Variants in KIAA0825 observed in about 807,000 individuals in gnomAD.
KIAA0825 encodes KIAA0825.
Under a neutral mutation model 147.6 loss-of-function variants are expected in KIAA0825, and 119 were observed. The ratio of observed to expected loss-of-function variants is 0.81; its 90% confidence interval spans 0.69 to 0.94. The LOEUF is 0.94. Among genes scored for constraint, KIAA0825 ranks in the 40% least tolerant of loss-of-function variants. The probability of loss-of-function intolerance (pLI) is 0.00; values close to 1 mark genes in which losing one functional copy is unlikely to be tolerated. For synonymous variants in KIAA0825, 470 were observed against 518.1 expected, an observed-to-expected ratio of 0.91 and a Z score of 1.26; for missense variants, 1,381 against 1,472.7, an observed-to-expected ratio of 0.94 and a Z score of 1.02.
In KIAA0825 at chr5:94,553,536, G is replaced by A. The variant is rs76726998; in HGVS notation, c.-1-16409C>T. Among the ~76,000 whole-genome samples, 1,045 of 151,730 alleles carry A rather than the reference G, an allele frequency of 6.9e-3. 7 individuals carry two copies. Among genetic ancestry groups the A allele is most frequent in the Non-Finnish European group, 0.011 (737 of 67,920 alleles). ...CCCCAGCAATTTGGGAGGCCAAGGCGGGTCGATCACCTGAGGCCAGGAGTT... is the reference window on the plus strand; with the variant it reads ...CCCCAGCAATTTGGGAGGCCAAGGCAGGTCGATCACCTGAGGCCAGGAGTT... On this transcript the variant is annotated intron_variant, in intron 2 of 20. Coordinates refer to ENST00000682413, the MANE Select transcript of KIAA0825 (RefSeq NM_001145678.3).
At chr5:94,462,299 T>C (rs184010042) in intron 12 of KIAA0825, 88 bp downstream of exon 12, 2 of 734,204 alleles carry the variant, frequency 2.7e-6, no homozygotes, top group Admixed American at 7.6e-5. Flanking sequence ...TACTTGTAAC[T>C]TCACATAATT....
At chr5:94,536,835 T>C (rs6881189) in intron 3 of KIAA0825, among the ~76,000 whole-genome samples, 161 bp downstream of exon 3, 1,600 of 152,210 alleles carry the variant, frequency 0.011, 29 homozygotes, top group African/African-American at 0.035. Context: ...AAGACAATCA[T>C]GTAAACTTTA....
intron 15 of KIAA0825, among the ~76,000 whole-genome samples, chr5:94,411,578 G>T (rs990640196): frequency 3.3e-5 from 5 of 152,124 alleles, no homozygotes; most frequent in African/African-American, 1.2e-4. Context: ...ATTGCCAAAA[G>T]AAATAATGGG....
Position 94,153,627 on chromosome 5 carries a change from T to C in KIAA0825, c.*380A>G, listed in dbSNP as rs903863896. Reference sequence around the variant, plus strand: ...AATTTCAGATGACCTCCTGGGGCTATGTGACTCCACTCAACTTAACATCCA... The same window carrying C: ...AATTTCAGATGACCTCCTGGGGCTACGTGACTCCACTCAACTTAACATCCA... On this transcript the variant is annotated 3_prime_UTR_variant, in exon 21 of 21. Coordinates refer to ENST00000682413, the MANE Select transcript of KIAA0825 (RefSeq NM_001145678.3). The C allele has an allele frequency of 2.6e-5, 4 of 156,512 alleles. No individual in the cohort carries two copies. Among genetic ancestry groups the C allele is most frequent in the Non-Finnish European group, 4.2e-5 (3 of 71,100 alleles). The allele number at this position is 156,512 out of a possible 1,614,324, so 9.7% of individuals were successfully genotyped here.
At chr5:94,614,831 T>G (rs1401338214) in intron 1 of KIAA0825, among the ~76,000 whole-genome samples, 2 of 152,216 alleles carry the variant, frequency 1.3e-5, no homozygotes, top group Non-Finnish European at 2.9e-5. Flanking sequence ...GTGAAAATAT[T>G]CTTCACCTTT....
chr5:94,345,734 T>C (rs376009), intron 20 of KIAA0825, among the ~76,000 whole-genome samples: 53,432 of 151,836 alleles, frequency 0.35, 9,637 homozygotes, highest in Middle Eastern at 0.38. Flanking sequence ...CAGGACAAGC[T>C]GCAGACAAAA....
At chr5:94,232,087 A>G (rs962866640) in intron 20 of KIAA0825, among the ~76,000 whole-genome samples, 3 of 152,264 alleles carry the variant, frequency 2.0e-5, no homozygotes, top group African/African-American at 7.2e-5. Context: ...AACTAAAGAC[A>G]GAAGAAAATG....
At chr5:94,275,907 G>A (rs72771640) in intron 20 of KIAA0825, among the ~76,000 whole-genome samples, 120 of 152,178 alleles carry the variant, frequency 7.9e-4, no homozygotes, top group Non-Finnish European at 1.6e-3. Flanking sequence ...TAACTATGGC[G>A]CTGCCTGCAA....
chr5:94,569,988 T>C (rs1275669248), intron 2 of KIAA0825: 1 of 153,208 alleles, frequency 6.5e-6, no homozygotes, highest in East Asian at 1.9e-4. Context: ...ACGAATCTAT[T>C]GTCCGCCATT....
At chr5:94,169,565 GAAAAAAA>G (rs57781961) in intron 20 of KIAA0825, among the ~76,000 whole-genome samples, 3 of 86,660 alleles carry the variant, frequency 3.5e-5, no homozygotes, top group Admixed American at 1.4e-4. Flanking sequence ...CTGGGTGACA[GAAAAAAA>G]AAAAAAAAAA....
chr5:94,388,736 C>T (rs539892592), intron 18 of KIAA0825, among the ~76,000 whole-genome samples: 1 of 152,334 alleles, frequency 6.6e-6, no homozygotes, highest in East Asian at 1.9e-4. Context: ...ACAGTCATCA[C>T]TAACCCTTCT....
chr5:94,566,335 T>C (rs568141824), intron 2 of KIAA0825, among the ~76,000 whole-genome samples: 1 of 152,174 alleles, frequency 6.6e-6, no homozygotes, highest in Non-Finnish European at 1.5e-5. Context: ...AATCAGGACT[T>C]TTTTGAGATT....
intron 2 of KIAA0825, among the ~76,000 whole-genome samples, chr5:94,557,540 T>A (rs1307293772): frequency 6.6e-6 from 1 of 152,086 alleles, no homozygotes; most frequent in Non-Finnish European, 1.5e-5. Context: ...ACTAGCTGGA[T>A]TTCCTAAGTT....
intron 20 of KIAA0825, among the ~76,000 whole-genome samples, chr5:94,266,298 C>T (rs941463475): frequency 6.6e-6 from 1 of 152,130 alleles, no homozygotes. Context: ...GTTACAATTT[C>T]TGTGATATTG....
chr5:94,160,532 TATAC>T (rs1003315064), intron 20 of KIAA0825, among the ~76,000 whole-genome samples: 13 of 148,622 alleles, frequency 8.7e-5, no homozygotes, highest in African/African-American at 2.7e-4. Flanking sequence ...GTATATATAA[TATAC>T]ATACATATAT....
rs780506504 is a variant in KIAA0825 at position 94,520,660 on chromosome 5, C to T, written c.558G>A (p.Gln186=). The T allele has an allele frequency of 6.2e-7, 1 of 1,613,310 alleles. No individual in the cohort carries two copies. The highest frequency in any genetic ancestry group is 8.5e-7 in the Non-Finnish European group (1 of 1,179,436). The change falls in exon 5 of 21, where the codon CAG becomes CAA. Residue 186 remains glutamine (Q), a synonymous_variant. Transcript: ENST00000682413. ...ACTGCTTTTTCAATAAAATTTTTTGCTGTGAATTGTTTATTTCATTATGGC... is the reference window on the plus strand; with the variant it reads ...ACTGCTTTTTCAATAAAATTTTTTGTTGTGAATTGTTTATTTCATTATGGC... ...LQSHNEINNS[Q]QKILLKKQCL...
At chr5:94,388,782 T>A (rs1318956116) in intron 18 of KIAA0825, among the ~76,000 whole-genome samples, 1 of 152,224 alleles carries the variant, frequency 6.6e-6, no homozygotes, top group Non-Finnish European at 1.5e-5. Context: ...ATTGCTTTAA[T>A]CAGATTTACC....
intron 20 of KIAA0825, among the ~76,000 whole-genome samples, chr5:94,237,405 G>C (rs570855880): frequency 3.3e-5 from 5 of 152,104 alleles, no homozygotes; most frequent in African/African-American, 1.2e-4. Context: ...CAGGCAAAGG[G>C]GGAACAACTA....
At chr5:94,588,707 T>C (rs1192744230) in intron 1 of KIAA0825, among the ~76,000 whole-genome samples, 8 of 152,220 alleles carry the variant, frequency 5.3e-5, no homozygotes, top group Non-Finnish European at 1.0e-4. Flanking sequence ...CAAAGGATTA[T>C]AAATCATGGT....
Sources: allele counts gnomAD v4.1 joint callset (sites outside exome capture counted in the v4.1 genomes callset), GRCh38; gene constraint gnomAD v4.1.1; transcripts MANE v1.5; gene names NCBI Gene and HGNC (gene_info 2026-07-23, HGNC 2026-07-21).